The following RAB36 variants were observed in gnomAD, a reference collection of about 807,000 sequenced individuals.
RAB36 encodes RAB36, member RAS oncogene family, also known as ras-related protein Rab-36.
In RAB36, 33 loss-of-function variants were observed where a neutral mutation model predicts 39.3. The observed-to-expected ratio is 0.84, with a 90% CI of 0.64 to 1.12. The LOEUF is 1.12. Ranked by LOEUF, RAB36 falls within the 50% of genes most tolerant of loss-of-function variation. The probability of loss-of-function intolerance (pLI) is 0.00; values close to 1 mark genes in which losing one functional copy is unlikely to be tolerated. For missense variants in RAB36, 308 were observed against 355.3 expected (o/e 0.87, Z 1.07); for synonymous variants, 133 against 140.2 (o/e 0.95, Z 0.36).
chr22:23,167,913 C>T (rs941179055), downstream of RAB36, among the ~76,000 whole-genome samples: 18 of 151,942 alleles, frequency 1.2e-4, no homozygotes, highest in Non-Finnish European at 2.4e-4. Flanking sequence ...AGTGCAATGG[C>T]GTGATCATAG....
At chr22:23,155,570 G>A (rs185386841) in intron 5 of RAB36, among the ~76,000 whole-genome samples, 2 of 152,346 alleles carry the variant, frequency 1.3e-5, no homozygotes, top group Admixed American at 6.5e-5. Context: ...AGCCACTGCT[G>A]GAGGCCCCGC....
chr22:23,167,615 G>A (rs576729196), downstream of RAB36, among the ~76,000 whole-genome samples: 1 of 152,338 alleles, frequency 6.6e-6, no homozygotes, highest in South Asian at 2.1e-4. Context: ...GAGAACTCAG[G>A]TCACCTACAA....
chr22:23,167,190 C>G (rs1342866385), downstream of RAB36, among the ~76,000 whole-genome samples: 1 of 152,138 alleles, frequency 6.6e-6, no homozygotes, highest in Non-Finnish European at 1.5e-5. Context: ...GGCTCAATGT[C>G]TCTCAGTCAG....
rs71744650 is a variant in RAB36 at position 23,163,606 on chromosome 22, G to GCCCCCCCCCCCCCCCCCCCCCCCCCC, written c.*2052_*2053insCCCCCCCCCCCCCCCCCCCCCCCCCC. The GCCCCCCCCCCCCCCCCCCCCCCCCCC allele has an allele frequency of 6.4e-5, 8 of 125,228 alleles. 1 individual carries two copies. Among genetic ancestry groups the GCCCCCCCCCCCCCCCCCCCCCCCCCC allele is most frequent in the Non-Finnish European group, 1.1e-4 (6 of 55,736 alleles). The allele number at this position is 125,228 out of a possible 1,614,324, so 7.8% of individuals were successfully genotyped here. ...AAAGCATATAAAATACAAGGTGAAA[G>GCCCCCCCCCCCCCCCCCCCCCCCCCC]CCCCCCCCCCGCCACATTAGCTGCG... On this transcript the variant is annotated 3_prime_UTR_variant, in exon 11 of 11. Coordinates refer to ENST00000263116, the MANE Select transcript of RAB36 (RefSeq NM_004914.5).
At chr22:23,146,772 C>A in intron 2 of RAB36, 87 bp downstream of exon 2, 1 of 1,529,410 alleles carries the variant, frequency 6.5e-7, no homozygotes. Flanking sequence ...AGAAGTAAAG[C>A]AGGTGAATCA....
chr22:23,157,214 C>A (rs1361626455), intron 6 of RAB36, among the ~76,000 whole-genome samples: 1 of 151,588 alleles, frequency 6.6e-6, no homozygotes, highest in Non-Finnish European at 1.5e-5. Context: ...ACTGCTGTAG[C>A]TGCTGTTGGT....
At position 23,146,680 on chromosome 22, in the gene RAB36, C is replaced by T; in HGVS notation, c.64C>T (p.Pro22Ser). 2 of 1,613,880 alleles carry T rather than the reference C, an allele frequency of 1.2e-6. No homozygotes were observed. Among genetic ancestry groups the T allele is most frequent in the Non-Finnish European group, 1.7e-6 (2 of 1,179,864 alleles). ...CCGCGACCGTGTCATCGCCAGCTTC[C>T]CTAAGGTAGAGAGTCATTACGTCTG... ...VSRDRVIASFPKWYTPEACLQ... is the reference protein window; with the variant it reads ...VSRDRVIASFSKWYTPEACLQ... Residue 22 changes from proline (P) to serine (S), a missense_variant, in exon 2 of 11, where the codon CCT (proline) becomes TCT (serine). Physicochemically the swap from Pro to Ser is moderately conservative, Grantham distance 74. Coordinates refer to ENST00000263116, the MANE Select transcript of RAB36 (RefSeq NM_004914.5).
chr22:23,162,147 GT>G lies in RAB36; in HGVS notation c.*585del. The G allele has an allele frequency of 5.9e-6, 1 of 169,718 alleles. No homozygotes were observed. Among genetic ancestry groups the G allele is most frequent in the Non-Finnish European group, 1.3e-5 (1 of 78,746 alleles). The allele number at this position is 169,718 out of a possible 1,614,324, so 10.5% of individuals were successfully genotyped here. ...TGTCCTTCTGCCACGGATGCTCAAG[GT>G]TCCTGGGCAGACCAGCACCTCTGGA... On this transcript the variant is annotated 3_prime_UTR_variant, in exon 11 of 11. Coordinates refer to ENST00000263116, the MANE Select transcript of RAB36 (RefSeq NM_004914.5).
chr22:23,156,048 C>A lies in RAB36; in HGVS notation c.394+16C>A, dbSNP rs190282767. 1 of 1,606,894 alleles carries A rather than the reference C, an allele frequency of 6.2e-7. No individual in the cohort carries two copies. The highest frequency in any genetic ancestry group is 1.1e-5 in the South Asian group (1 of 90,098). On this transcript the variant is annotated intron_variant, in intron 6 of 10. Transcript: ENST00000263116. ...GGTGCCCAGGGTGAGCAACATGCCA[C>A]GTCGGGGCTCAACTGCATGCAGCAG... is the stretch of plus-strand genomic sequence containing the variant.
At chr22:23,155,630 C>T (rs923428461) in intron 5 of RAB36, among the ~76,000 whole-genome samples, 3 of 152,230 alleles carry the variant, frequency 2.0e-5, no homozygotes, top group Non-Finnish European at 4.4e-5. Flanking sequence ...TGGACTGCTA[C>T]ATCTTCAGAG....
At chr22:23,157,096 G>T (rs2071495371) in intron 6 of RAB36, among the ~76,000 whole-genome samples, 1 of 152,198 alleles carries the variant, frequency 6.6e-6, no homozygotes, top group Admixed American at 6.5e-5. Context: ...CAGGACCGGG[G>T]TGCGGCCAGT....
At chr22:23,155,908 C>T in intron 5 of RAB36, 60 bp from the exon 6 acceptor site, 1 of 1,495,174 alleles carries the variant, frequency 6.7e-7, no homozygotes, top group Non-Finnish European at 9.1e-7. Flanking sequence ...CCTGTTGGCT[C>T]AAGACACTGT....
chr22:23,156,858 G>A (rs922393353), intron 6 of RAB36, among the ~76,000 whole-genome samples: 13 of 152,268 alleles, frequency 8.5e-5, no homozygotes, highest in Middle Eastern at 3.4e-3. Flanking sequence ...TAAGAGGTGC[G>A]AGGCGCCTGG....
Position 23,161,060 on chromosome 22 carries a change from G to A in RAB36, c.739+62G>A, listed in dbSNP as rs78216994. 1.9e-3 allele frequency: 2,985 copies of A among 1,535,612 alleles called. 51 individuals are homozygous for A. The African/African-American group carries it at 0.036, about 19-fold the overall frequency. On this transcript the variant is annotated intron_variant, in intron 10 of 10. Transcript: ENST00000263116. The stretch of plus-strand genomic sequence containing the variant: ...GGCTGGAGGCCTAAAATCCACATGC[G>A]CCATCCTCGTCACCTGAGGCCTTGC...
intron 5 of RAB36, among the ~76,000 whole-genome samples, chr22:23,154,994 G>A (rs569093797): frequency 2.4e-4 from 36 of 152,240 alleles, no homozygotes; most frequent in Middle Eastern, 3.4e-3. Flanking sequence ...GCACAGTGGT[G>A]CATGCCTGTA....
At chr22:23,156,086 C>G in intron 6 of RAB36, 54 bp downstream of exon 6, 6 of 1,505,614 alleles carry the variant, frequency 4.0e-6, no homozygotes, top group Non-Finnish European at 3.6e-6. Flanking sequence ...GGGTCCCTGC[C>G]GGGCTCCACA....
Position 23,158,004 on chromosome 22 carries a change from C to G in RAB36, c.407C>G (p.Ala136Gly). 1 of 1,614,218 alleles carries G rather than the reference C, an allele frequency of 6.2e-7. No homozygotes were observed. Residue 136 changes from alanine (A) to glycine (G), a missense_variant, in exon 7 of 11, where the codon GCC becomes GGC. Coordinates refer to ENST00000263116, the MANE Select transcript of RAB36 (RefSeq NM_004914.5). ...YYRGAQVIIT[A>G]FDLTDVQTLE... ...TCCGGGTGTCTAGTGATCATCACGGCCTTTGACCTCACTGACGTGCAGACC... is the reference window on the plus strand; with the variant it reads ...TCCGGGTGTCTAGTGATCATCACGGGCTTTGACCTCACTGACGTGCAGACC...
intron 5 of RAB36, 117 bp from the exon 6 acceptor site, chr22:23,155,851 A>G (rs1465875327): frequency 3.4e-6 from 3 of 869,996 alleles, no homozygotes; most frequent in Non-Finnish European, 5.1e-6. Flanking sequence ...CCTGAAGCCC[A>G]TGCAGCTGGC....
chr22:23,155,681 A>G (rs569386809), intron 5 of RAB36, among the ~76,000 whole-genome samples: 1 of 152,308 alleles, frequency 6.6e-6, no homozygotes, highest in African/African-American at 2.4e-5. Context: ...TTAATGTCTC[A>G]GTCAGAAGGG....
Sources: gnomAD v4.1 joint callset for allele counts (sites outside exome capture counted in the v4.1 genomes callset) on GRCh38, gnomAD v4.1.1 for gene constraint, MANE v1.5 for transcripts, NCBI Gene and HGNC (gene_info 2026-07-23, HGNC 2026-07-21) for gene names.